HMBOX1: variants seen among roughly 807,000 people sequenced by gnomAD.
HMBOX1 encodes the protein homeobox containing 1, also known as homeobox-containing protein 1.
HMBOX1 carries 14 observed loss-of-function variants against 54.5 expected under a neutral mutation model. The ratio of observed to expected loss-of-function variants is 0.26; its 90% CI spans 0.17 to 0.40. The LOEUF (loss-of-function observed/expected upper bound fraction) is 0.40, where lower values mean the gene tolerates loss of function less well. HMBOX1 is among the 10% of genes least tolerant of loss of function. The pLI, the probability that HMBOX1 is intolerant of heterozygous loss-of-function variation, is 1.00. For missense variants in HMBOX1, 332 were observed against 514.4 expected (o/e 0.65, Z 3.43); for synonymous variants, 160 against 181.0 (o/e 0.88, Z 0.93).
At chr8:28,920,301 T>C (rs1362192413) in intron 1 of HMBOX1, among the ~76,000 whole-genome samples, 8 of 152,210 alleles carry the variant, frequency 5.3e-5, no homozygotes, top group East Asian at 1.9e-4. Flanking sequence ...CAAGGTACTA[T>C]GGTAGGGCCT....
intron 1 of HMBOX1, among the ~76,000 whole-genome samples, chr8:28,919,192 T>G (rs752091678): frequency 2.0e-5 from 3 of 152,192 alleles, no homozygotes; most frequent in Non-Finnish European, 2.9e-5. Context: ...GTTCCAGGAC[T>G]CCCTTTGGCT....
chr8:28,895,310 C>G (rs2131502467), intron 1 of HMBOX1, among the ~76,000 whole-genome samples: 1 of 152,242 alleles, frequency 6.6e-6, no homozygotes, highest in South Asian at 2.1e-4. Context: ...ATTTTTATAG[C>G]AAGAAAGTGA....
At position 28,970,310 on chromosome 8, in the gene HMBOX1, G is replaced by T. The variant is rs1226875281; in HGVS notation, c.291G>T (p.Met97Ile). 2 of 1,614,076 alleles carry T rather than the reference G, an allele frequency of 1.2e-6. No individual in the cohort carries two copies. Among genetic ancestry groups the T allele is most frequent in the African/African-American group, 2.7e-5 (2 of 74,930 alleles). ...TASTQTQHSG[M>I]SPSPSNSYDT... ...CCACACAGACGCAGCATTCGGGAAT[G>T]TCCCCGTCACCTAGCAACAGTTATG... The change falls in exon 3 of 10, where the codon ATG becomes ATT. Residue 97 changes from methionine to isoleucine, a missense_variant. By Grantham distance (10) the Met-to-Ile change is conservative (BLOSUM62 1). Around this residue, in one of 4 missense-constraint regions of HMBOX1, gnomAD observed 146 missense variants for 173.3 expected, o/e 0.84. Coordinates refer to ENST00000287701, the MANE Select transcript of HMBOX1 (RefSeq NM_001135726.3). The surrounding 1 kb of genome is among the most constrained non-coding windows in gnomAD (Gnocchi z 4.3).
At chr8:28,894,709 T>C (rs980221500) in intron 1 of HMBOX1, among the ~76,000 whole-genome samples, 2 of 152,190 alleles carry the variant, frequency 1.3e-5, no homozygotes, top group Non-Finnish European at 2.9e-5. Context: ...AATCCAGTGC[T>C]TTAGATAATT....
chr8:28,956,855 A>C, intron 1 of HMBOX1, among the ~76,000 whole-genome samples: 1 of 152,234 alleles, frequency 6.6e-6, no homozygotes, highest in East Asian at 1.9e-4. Context: ...GACACTTCTC[A>C]AAAGAAGACT....
At chr8:29,020,452 G>A (rs1037886823) in intron 6 of HMBOX1, among the ~76,000 whole-genome samples, 4 of 151,902 alleles carry the variant, frequency 2.6e-5, no homozygotes, top group Non-Finnish European at 5.9e-5. Context: ...TATTTTCCTT[G>A]GCAGCAAGAA....
intron 1 of HMBOX1, among the ~76,000 whole-genome samples, chr8:28,938,426 TA>T: frequency 6.6e-6 from 1 of 151,714 alleles, no homozygotes; most frequent in African/African-American, 2.4e-5. Flanking sequence ...CAGCAAGGGG[TA>T]TCTTTTTTTT....
chr8:29,036,320 G>A (rs1450447240), intron 6 of HMBOX1, among the ~76,000 whole-genome samples: 1 of 152,062 alleles, frequency 6.6e-6, no homozygotes, highest in African/African-American at 2.4e-5. Context: ...GTAAAGAAAA[G>A]CATCCTACCA....
chr8:28,910,778 T>C (rs961443366), intron 1 of HMBOX1, among the ~76,000 whole-genome samples: 2 of 152,216 alleles, frequency 1.3e-5, no homozygotes. Flanking sequence ...TTTATAGATA[T>C]ATTAATATGT....
At chr8:29,023,491 C>G (rs1192069099) in intron 6 of HMBOX1, among the ~76,000 whole-genome samples, 1 of 152,182 alleles carries the variant, frequency 6.6e-6, no homozygotes, top group Non-Finnish European at 1.5e-5. Context: ...CAGCCTCAAC[C>G]TCCTGGGCTC....
chr8:29,005,990 ATTTTTTTT>A (rs775589443), intron 4 of HMBOX1, among the ~76,000 whole-genome samples: 1 of 120,860 alleles, frequency 8.3e-6, no homozygotes, highest in African/African-American at 3.2e-5. Context: ...GATGCATTCT[ATTTTTTTT>A]TTTTTTTTTT....
intron 8 of HMBOX1, 112 bp from the exon 9 acceptor site, chr8:29,048,842 T>C (rs955013723): frequency 1.4e-6 from 1 of 726,878 alleles, no homozygotes; most frequent in Admixed American, 2.3e-5. Context: ...GAAATACAGG[T>C]TCTTGTTTAA....
At chr8:28,910,949 C>T (rs1032456772) in intron 1 of HMBOX1, among the ~76,000 whole-genome samples, 1 of 152,148 alleles carries the variant, frequency 6.6e-6, no homozygotes, top group Non-Finnish European at 1.5e-5. Context: ...TCTGCTTCAG[C>T]TCTATTTCAG....
At chr8:29,015,896 T>C (rs1218965227) in intron 5 of HMBOX1, among the ~76,000 whole-genome samples, 1 of 152,226 alleles carries the variant, frequency 6.6e-6, no homozygotes, top group African/African-American at 2.4e-5. Context: ...CATGTTTCAA[T>C]AAAACTTTAT....
At chr8:29,009,517 G>A (rs1253372538) in intron 5 of HMBOX1, 4 of 740,486 alleles carry the variant, frequency 5.4e-6, no homozygotes, top group Non-Finnish European at 6.4e-6. Flanking sequence ...GTAAGATTCC[G>A]TATCTCTTTT....
At chr8:28,946,080 G>C (rs1822399789) in intron 1 of HMBOX1, among the ~76,000 whole-genome samples, 2 of 151,424 alleles carry the variant, frequency 1.3e-5, no homozygotes, top group South Asian at 4.2e-4. Flanking sequence ...AGCCTCCCAA[G>C]TAGCTGGGAT....
At chr8:28,952,158 TAAAA>T (rs3053470) in intron 1 of HMBOX1, among the ~76,000 whole-genome samples, 1 of 127,810 alleles carries the variant, frequency 7.8e-6, no homozygotes, top group African/African-American at 3.0e-5. Flanking sequence ...GACCCTATCT[TAAAA>T]AAAAAAAAAA....
chr8:28,918,361 G>A (rs554279781), intron 1 of HMBOX1, among the ~76,000 whole-genome samples: 57 of 152,068 alleles, frequency 3.7e-4, no homozygotes, highest in Non-Finnish European at 7.4e-4. Flanking sequence ...ATGCCACCAC[G>A]CCTGGCTAAT....
intron 1 of HMBOX1, among the ~76,000 whole-genome samples, chr8:28,959,420 A>G (rs1255307643): frequency 6.6e-6 from 1 of 152,180 alleles, no homozygotes; most frequent in Non-Finnish European, 1.5e-5. Context: ...AGTGGCTCAC[A>G]TTTTAAAACT....
Sources: allele counts gnomAD v4.1 joint callset (sites outside exome capture counted in the v4.1 genomes callset), GRCh38; gene constraint gnomAD v4.1.1; regional missense constraint gnomAD v4.1.1; non-coding constraint Gnocchi (gnomAD v3.1); transcripts MANE v1.5; gene names NCBI Gene and HGNC (gene_info 2026-07-23, HGNC 2026-07-21).